Variants in SSH2 observed in about 807,000 individuals in gnomAD.
SSH2 encodes the protein protein phosphatase Slingshot homolog 2.
Under a neutral mutation model 135.2 loss-of-function variants are expected in SSH2, and 37 were observed. The observed-to-expected ratio is 0.27, with a 90% CI of 0.21 to 0.36. The LOEUF (loss-of-function observed/expected upper bound fraction) is 0.36, where lower values mean the gene tolerates loss of function less well. SSH2 is among the 10% of genes least tolerant of loss of function. The pLI, the probability that SSH2 is intolerant of heterozygous loss-of-function variation, is 1.00. For synonymous variants in SSH2, 628 were observed against 646.2 expected, an observed-to-expected ratio of 0.97 and a Z score of 0.43; for missense variants, 1,408 against 1,765.3, an observed-to-expected ratio of 0.80 and a Z score of 3.63.
At chr17:29,855,462 G>C (rs1402030480) in intron 1 of SSH2, among the ~76,000 whole-genome samples, 1 of 152,108 alleles carries the variant, frequency 6.6e-6, no homozygotes, top group Non-Finnish European at 1.5e-5. Context: ...CCGAGATCAC[G>C]CCACTGCACT....
intron 1 of SSH2, among the ~76,000 whole-genome samples, chr17:29,913,347 A>AAAAAAAAAAAAAAAAAAAATTATAT: frequency 3.5e-5 from 1 of 28,786 alleles, no homozygotes; most frequent in Non-Finnish European, 5.9e-5. Context: ...AAAAAAAAAA[A>AAAAAAAAAAAAAAAAAAAATTATAT]ATATATATAT....
chr17:29,632,968 TG>T (rs1317615906), intron 15 of SSH2, 37 bp from the exon 16 acceptor site: 57 of 1,534,136 alleles, frequency 3.7e-5, no homozygotes, highest in Non-Finnish European at 4.9e-5. Context: ...TATGGCAAAC[TG>T]TAGTCTAATT....
intron 1 of SSH2, chr17:29,925,334 G>C (rs954785423): frequency 2.6e-6 from 1 of 389,732 alleles, no homozygotes; most frequent in African/African-American, 2.1e-5. Flanking sequence ...TGGTCAAAGG[G>C]TACAAAGTTT....
chr17:29,726,111 C>G (rs1328226650), intron 3 of SSH2, among the ~76,000 whole-genome samples: 1 of 152,136 alleles, frequency 6.6e-6, no homozygotes, highest in East Asian at 1.9e-4. Flanking sequence ...AAAAATAAAA[C>G]AAACACACTA....
intron 2 of SSH2, among the ~76,000 whole-genome samples, chr17:29,814,157 CG>C (rs1389574624): frequency 6.8e-4 from 73 of 106,688 alleles, no homozygotes; most frequent in Middle Eastern, 0.01. Context: ...AAAAAAAGGC[CG>C]GGCACGGTGG....
intron 3 of SSH2, among the ~76,000 whole-genome samples, chr17:29,704,202 G>C (rs1168637154): frequency 6.6e-6 from 1 of 152,146 alleles, no homozygotes; most frequent in Non-Finnish European, 1.5e-5. Flanking sequence ...TTAGCTACTA[G>C]TAATAGGTCC....
At chr17:29,926,539 G>A (rs1297652828) in intron 1 of SSH2, among the ~76,000 whole-genome samples, 2 of 149,504 alleles carry the variant, frequency 1.3e-5, no homozygotes, top group East Asian at 2.0e-4. Flanking sequence ...GAATGGCTGA[G>A]TGAGACCTTG....
At position 29,897,279 on chromosome 17, in the gene SSH2, C is replaced by A. The variant is rs530833208; in HGVS notation, c.63+32659G>T. On this transcript the variant is annotated intron_variant, in intron 1 of 15. Coordinates refer to ENST00000540801, the MANE Select transcript of SSH2 (RefSeq NM_001282129.2). Reference sequence around the variant, plus strand: ...ATGACAGGATCAAATTTACACATAACAACATTAACCTTAAACGTAAATGGC... The same window carrying A: ...ATGACAGGATCAAATTTACACATAAAAACATTAACCTTAAACGTAAATGGC... Among the ~76,000 whole-genome samples the A allele has an allele frequency of 1.2e-4, 18 of 152,154 alleles. No homozygotes were observed. In the East Asian group the frequency reaches 2.7e-3, roughly 23 times the overall value.
chr17:29,888,594 GT>G (rs768964086), intron 1 of SSH2, among the ~76,000 whole-genome samples: 22 of 152,004 alleles, frequency 1.4e-4, no homozygotes, highest in Non-Finnish European at 3.2e-4. Flanking sequence ...TATTTCTACA[GT>G]ATTAACAGCA....
At position 29,629,231 on chromosome 17, in the gene SSH2, A is replaced by G. The variant is rs1265909851; in HGVS notation, c.*1610T>C. 1 of 152,650 alleles carries G rather than the reference A, an allele frequency of 6.6e-6. No homozygotes were observed. Among genetic ancestry groups the G allele is most frequent in the Admixed American group, 6.5e-5 (1 of 15,280 alleles). The allele number at this position is 152,650 out of a possible 1,614,324, so 9.5% of individuals were successfully genotyped here. On this transcript the variant is annotated 3_prime_UTR_variant, in exon 16 of 16. Coordinates refer to ENST00000540801, the MANE Select transcript of SSH2 (RefSeq NM_001282129.2). Reference sequence around the variant, plus strand: ...AGCAAAACGACAGCATCCTAAATGGAGTCACTGTGGGCACTTGCCCCTGGC... The same window carrying G: ...AGCAAAACGACAGCATCCTAAATGGGGTCACTGTGGGCACTTGCCCCTGGC...
intron 5 of SSH2, 107 bp from the exon 6 acceptor site, chr17:29,684,791 G>C: frequency 9.8e-7 from 1 of 1,022,446 alleles, no homozygotes; most frequent in Non-Finnish European, 1.4e-6. Flanking sequence ...GAAGGCAGCA[G>C]AGCCAGTAGT....
intron 1 of SSH2, among the ~76,000 whole-genome samples, chr17:29,884,750 C>T (rs935571716): frequency 6.6e-6 from 1 of 152,144 alleles, no homozygotes; most frequent in Non-Finnish European, 1.5e-5. Context: ...ATCATCAGGC[C>T]TCTACCACTT....
chr17:29,744,725 A>G (rs1462834816), intron 3 of SSH2, among the ~76,000 whole-genome samples: 1 of 152,136 alleles, frequency 6.6e-6, no homozygotes, highest in East Asian at 1.9e-4. Flanking sequence ...CTTATAGCTC[A>G]CTCCATTGTA....
Position 29,888,455 on chromosome 17 carries a change from G to A in SSH2, c.64-39526C>T, listed in dbSNP as rs575152547. ...GAAATCCCAAGAAAGCAGAGTTGGAGTTTTATGTATGAGACTTAGTGCCAT... is the reference window on the plus strand; with the variant it reads ...GAAATCCCAAGAAAGCAGAGTTGGAATTTTATGTATGAGACTTAGTGCCAT... On this transcript the variant is annotated intron_variant, in intron 1 of 15. Coordinates refer to ENST00000540801, the MANE Select transcript of SSH2 (RefSeq NM_001282129.2). Among the ~76,000 whole-genome samples the A allele has an allele frequency of 1.2e-4, 19 of 152,290 alleles. No individual in the cohort carries two copies. In the South Asian group the frequency reaches 3.7e-3, roughly 30 times the overall value.
chr17:29,674,284 C>G, intron 8 of SSH2: 1 of 418,608 alleles, frequency 2.4e-6, no homozygotes, highest in Admixed American at 2.7e-5. Context: ...TTTAAAAATG[C>G]TTTATATTAC....
intron 7 of SSH2, among the ~76,000 whole-genome samples, chr17:29,677,264 TTAG>T (rs2037759437): frequency 8.1e-6 from 1 of 123,778 alleles, no homozygotes; most frequent in African/African-American, 3.2e-5. Context: ...TCTAAAAACA[TTAG>T]GAGGTAGGGT....
chr17:29,637,641 G>A (rs892581382), intron 14 of SSH2, among the ~76,000 whole-genome samples: 6 of 151,632 alleles, frequency 4.0e-5, no homozygotes, highest in African/African-American at 1.2e-4. Context: ...AATTATCCAG[G>A]TGTGGTGGCG....
At chr17:29,696,672 CGTGTGT>C (rs60502729) in intron 4 of SSH2, among the ~76,000 whole-genome samples, 8 of 137,438 alleles carry the variant, frequency 5.8e-5, no homozygotes, top group Non-Finnish European at 1.1e-4. Flanking sequence ...TATATACGTA[CGTGTGT>C]GTGTGTGTGT....
chr17:29,637,132 CAG>C (rs1403244719), intron 14 of SSH2, among the ~76,000 whole-genome samples: 2 of 151,960 alleles, frequency 1.3e-5, no homozygotes, highest in East Asian at 3.9e-4. Context: ...TTGTTTTTTT[CAG>C]AGTCTCGCTT....
Sources: allele counts gnomAD v4.1 joint callset (sites outside exome capture counted in the v4.1 genomes callset), GRCh38; gene constraint gnomAD v4.1.1; transcripts MANE v1.5; gene names NCBI Gene and HGNC (gene_info 2026-07-23, HGNC 2026-07-21).